The following CSMD1 variants were observed in gnomAD, a reference collection of about 807,000 sequenced individuals.
The protein encoded by CSMD1 is CUB and sushi domain-containing protein 1.
A neutral mutation model predicts 417.5 loss-of-function variants in CSMD1; 213 were observed. That is an observed-to-expected ratio of 0.51 (90% CI 0.46 to 0.57). The LOEUF (loss-of-function observed/expected upper bound fraction) is 0.57, where lower values mean the gene tolerates loss of function less well. Ranked by LOEUF, CSMD1 falls within the 20% of genes least tolerant of loss-of-function variation. The pLI is 0.00. For synonymous variants in CSMD1, 2,862 were observed against 1,736.8 expected (o/e 1.65, Z -16.11); for missense variants, 6,923 against 4,529.7 (o/e 1.53, Z -15.17).
chr8:4,895,489 TTTTC>T (rs796268359), intron 1 of CSMD1, among the ~76,000 whole-genome samples: 9 of 152,294 alleles, frequency 5.9e-5, no homozygotes, highest in African/African-American at 1.9e-4. Context: ...CTAGTACATG[TTTTC>T]TTTCTTAATT....
At chr8:3,615,068 TC>T (rs1295962966) in intron 8 of CSMD1, among the ~76,000 whole-genome samples, 1 of 152,190 alleles carries the variant, frequency 6.6e-6, no homozygotes, top group Admixed American at 6.5e-5. Context: ...CTGAATGACT[TC>T]AAATGACTGC....
intron 3 of CSMD1, among the ~76,000 whole-genome samples, chr8:4,066,606 G>C (rs1799263330): frequency 6.6e-6 from 1 of 152,162 alleles, no homozygotes; most frequent in African/African-American, 2.4e-5. Flanking sequence ...ACCCAGAAGG[G>C]AAATGTACCA....
At chr8:4,416,276 T>A (rs1482120089) in intron 3 of CSMD1, among the ~76,000 whole-genome samples, 4 of 152,154 alleles carry the variant, frequency 2.6e-5, no homozygotes, top group Non-Finnish European at 5.9e-5. Flanking sequence ...TACTGGATCA[T>A]AAAGAATACA....
At chr8:3,094,800 C>CAAAAAAAAAAAAAA (rs33991879) in intron 47 of CSMD1, among the ~76,000 whole-genome samples, 1 of 105,406 alleles carries the variant, frequency 9.5e-6, no homozygotes, top group Non-Finnish European at 1.9e-5. Context: ...GCCCGTCTTA[C>CAAAAAAAAAAAAAA]AAAAAAAAAA....
rs780418084 is a variant in CSMD1 at position 3,347,999 on chromosome 8, G to A, written c.3467C>T (p.Thr1156Ile). The A allele has an allele frequency of 6.3e-6, 10 of 1,588,772 alleles. No homozygotes were observed. Among genetic ancestry groups the A allele is most frequent in the African/African-American group, 2.7e-5 (2 of 74,110 alleles). Residue 1156 changes from threonine to isoleucine, a missense_variant, in exon 22 of 70, where the codon ACT becomes ATT. Coordinates refer to ENST00000635120, the MANE Select transcript of CSMD1 (RefSeq NM_033225.6). The part of the protein sequence containing the change: ...TRSFQLFEGD[T>I]LKVYDGKDSS... ...GGAGAAGATTCTTTTTACCTTTAGA[G>A]TATCTCCTTCAAACAGCTGGAAGCT... is the stretch of plus-strand genomic sequence containing the variant.
intron 3 of CSMD1, among the ~76,000 whole-genome samples, chr8:4,108,061 CAGAGACAGAGACAGAG>C (rs1801661621): frequency 3.7e-3 from 3 of 820 alleles, no homozygotes; most frequent in African/African-American, 0.013. Flanking sequence ...GAGACAGAGA[CAGAGACAGAGACAGAG>C]AGAGAGACAG....
intron 2 of CSMD1, among the ~76,000 whole-genome samples, chr8:4,479,591 G>A (rs944235707): frequency 6.6e-6 from 1 of 151,986 alleles, no homozygotes. Flanking sequence ...AATTTTAGTT[G>A]ACTGCTTTAA....
chr8:2,999,710 G>A (rs1181692626), intron 53 of CSMD1, among the ~76,000 whole-genome samples: 1 of 151,970 alleles, frequency 6.6e-6, no homozygotes, highest in South Asian at 2.1e-4. Context: ...CATTTACAAT[G>A]AATTGATAAG....
chr8:4,115,984 ATTT>A (rs1802117121), intron 3 of CSMD1, among the ~76,000 whole-genome samples: 2 of 95,990 alleles, frequency 2.1e-5, no homozygotes, highest in East Asian at 8.7e-4. Flanking sequence ...TTATTTATTT[ATTT>A]ATTTATTTAT....
intron 3 of CSMD1, among the ~76,000 whole-genome samples, chr8:4,083,128 C>T (rs1266800136): frequency 1.3e-5 from 2 of 151,874 alleles, no homozygotes; most frequent in African/African-American, 2.4e-5. Flanking sequence ...TAGTATATAC[C>T]CAGTAACGGG....
At chr8:4,173,531 G>A (rs909645509) in intron 3 of CSMD1, among the ~76,000 whole-genome samples, 35 of 152,118 alleles carry the variant, frequency 2.3e-4, no homozygotes, top group African/African-American at 8.2e-4. Flanking sequence ...CCATCCTCTT[G>A]TGGTTTACAA....
At chr8:4,817,740 T>A (rs902197995) in intron 1 of CSMD1, among the ~76,000 whole-genome samples, 1 of 152,184 alleles carries the variant, frequency 6.6e-6, no homozygotes, top group Non-Finnish European at 1.5e-5. Flanking sequence ...CGAATTAATA[T>A]AATGCAGCTA....
At chr8:3,723,878 C>A (rs1802331885) in intron 6 of CSMD1, among the ~76,000 whole-genome samples, 2 of 152,192 alleles carry the variant, frequency 1.3e-5, no homozygotes, top group South Asian at 4.1e-4. Flanking sequence ...ACACGTTTTA[C>A]TATAATAAAG....
chr8:2,981,120 G>A (rs1805378422), intron 54 of CSMD1, among the ~76,000 whole-genome samples: 2 of 152,122 alleles, frequency 1.3e-5, no homozygotes, highest in South Asian at 4.1e-4. Context: ...AGGAAAAACA[G>A]GGCAGGAATA....
chr8:3,806,370 T>C (rs1453392021), intron 5 of CSMD1, among the ~76,000 whole-genome samples: 1 of 152,192 alleles, frequency 6.6e-6, no homozygotes, highest in African/African-American at 2.4e-5. Context: ...ATAACCAATA[T>C]GCCCCTGAAG....
At chr8:4,589,328 G>T (rs971917814) in intron 2 of CSMD1, among the ~76,000 whole-genome samples, 6 of 152,116 alleles carry the variant, frequency 3.9e-5, no homozygotes, top group African/African-American at 9.7e-5. Context: ...CTTTAGCCAT[G>T]TTTTTTCTGC....
At chr8:4,914,846 T>G (rs974232244) in intron 1 of CSMD1, among the ~76,000 whole-genome samples, 1 of 152,200 alleles carries the variant, frequency 6.6e-6, no homozygotes, top group Non-Finnish European at 1.5e-5. Flanking sequence ...GAGTTTCACC[T>G]ACTGCTATTT....
intron 3 of CSMD1, among the ~76,000 whole-genome samples, chr8:4,073,452 T>C (rs1262156638): frequency 6.6e-6 from 1 of 152,136 alleles, no homozygotes; most frequent in Non-Finnish European, 1.5e-5. Context: ...GCGACTGTCT[T>C]ACTTAGATTC....
At chr8:4,697,632 A>G (rs930458303) in intron 1 of CSMD1, among the ~76,000 whole-genome samples, 1 of 152,190 alleles carries the variant, frequency 6.6e-6, no homozygotes, top group Non-Finnish European at 1.5e-5. Context: ...GCCAAAGGCA[A>G]TTAAGCAGGG....
Sources: allele counts gnomAD v4.1 joint callset (sites outside exome capture counted in the v4.1 genomes callset), GRCh38; gene constraint gnomAD v4.1.1; transcripts MANE v1.5; gene names NCBI Gene and HGNC (gene_info 2026-07-23, HGNC 2026-07-21).